Variants in DOCK10 observed in about 807,000 individuals in gnomAD.
DOCK10 encodes the protein dedicator of cytokinesis 10.
DOCK10 carries 145 observed loss-of-function variants against 280.1 expected under a neutral mutation model. That is an observed-to-expected ratio of 0.52 (90% confidence interval 0.45 to 0.59). The LOEUF (loss-of-function observed/expected upper bound fraction) is 0.59. Ranked by LOEUF, DOCK10 falls within the 20% of genes least tolerant of loss-of-function variation. DOCK10 has a pLI of 0.00. For synonymous variants in DOCK10, 915 were observed against 942.2 expected (o/e 0.97, Z 0.53); for missense variants, 2,368 against 2,651.7 (o/e 0.89, Z 2.35).
chr2:224,858,312 C>A (rs1250802016), intron 14 of DOCK10, among the ~76,000 whole-genome samples: 1 of 152,114 alleles, frequency 6.6e-6, no homozygotes, highest in Non-Finnish European at 1.5e-5. Context: ...GAGTACAGCA[C>A]CATGGGAGAA....
chr2:225,040,928 T>C (rs1307186485), intron 1 of DOCK10, among the ~76,000 whole-genome samples: 1 of 152,186 alleles, frequency 6.6e-6, no homozygotes, highest in African/African-American at 2.4e-5. Flanking sequence ...CCACATGCTG[T>C]CCCTGGCACA....
In DOCK10 at chr2:224,930,728, C is replaced by T. The variant is rs1450477721; in HGVS notation, c.243+821G>A. Among the ~76,000 whole-genome samples the T allele has an allele frequency of 2.6e-5, 4 of 152,182 alleles. No individual in the cohort carries two copies. The East Asian group carries it at 7.7e-4, about 29-fold the overall frequency. ...ACAATGGCTGTTTCACAGGGATACC[C>T]TTCAGCTGCCTTTTTATTTGCCTTA... On this transcript the variant is annotated intron_variant, in intron 2 of 55. Transcript: ENST00000258390.
intron 1 of DOCK10, among the ~76,000 whole-genome samples, chr2:225,023,997 C>T (rs1689852396): frequency 6.6e-6 from 1 of 152,220 alleles, no homozygotes; most frequent in South Asian, 2.1e-4. Context: ...CATGTCCCTC[C>T]TGATCCGATG....
At chr2:224,791,165 A>G (rs1474671076) in intron 47 of DOCK10, among the ~76,000 whole-genome samples, 1 of 152,150 alleles carries the variant, frequency 6.6e-6, no homozygotes, top group Non-Finnish European at 1.5e-5. Context: ...ACCTGCCTTT[A>G]CTGGTTTTCT....
At chr2:224,879,222 TC>T (rs1320039468) in intron 7 of DOCK10, among the ~76,000 whole-genome samples, 3 of 152,140 alleles carry the variant, frequency 2.0e-5, no homozygotes, top group Non-Finnish European at 4.4e-5. Context: ...CTAGGCAGCT[TC>T]CTTCCGAAGG....
rs529766738 is a variant in DOCK10, at chr2:224,836,987, A to G, written c.2850+775T>C. On this transcript the variant is annotated intron_variant, in intron 25 of 55. Coordinates refer to ENST00000258390, the MANE Select transcript of DOCK10 (RefSeq NM_014689.3). ...TTAAGAGAATACAGTTTTTTGATGAAAAAGCTATGTCTCAAAAAGATTTAA... is the reference window on the plus strand; with the variant it reads ...TTAAGAGAATACAGTTTTTTGATGAGAAAGCTATGTCTCAAAAAGATTTAA... Among the ~76,000 whole-genome samples the G allele has an allele frequency of 2.8e-4, 43 of 152,220 alleles. 1 individual carries two copies. The South Asian group carries it at 8.7e-3, about 31-fold the overall frequency.
intron 1 of DOCK10, among the ~76,000 whole-genome samples, chr2:224,985,885 A>G (rs544417206): frequency 2.6e-5 from 4 of 152,244 alleles, no homozygotes; most frequent in Non-Finnish European, 5.9e-5. Context: ...CCTTTTTACA[A>G]TGGGCAAGGA....
chr2:224,792,880 TAAG>T lies in DOCK10; in HGVS notation c.5311+91_5311+93del, dbSNP rs1692296202. The T allele has an allele frequency of 8.2e-6, 8 of 977,282 alleles. No homozygotes were observed. The Admixed American group carries it at 1.8e-4, about 22-fold the overall frequency. 60.5% of individuals were successfully genotyped at this position (977,282 alleles called of 1,614,324 possible). A position where few individuals can be genotyped will look rare whatever the true frequency, so the allele number is the denominator to read the frequency against. On this transcript the variant is annotated intron_variant, in intron 47 of 55. Transcript: ENST00000258390. ...GTAGATCTGAGACAGTTTTTGCTTC[TAAG>T]AATATATTTAAGAAGGTTTCACTGA...
intron 24 of DOCK10, among the ~76,000 whole-genome samples, chr2:224,838,628 T>G (rs1418428416): frequency 6.6e-6 from 1 of 152,200 alleles, no homozygotes; most frequent in Non-Finnish European, 1.5e-5. Context: ...CTTTAAAAAC[T>G]AGGCTACAAA....
At chr2:224,793,774 T>C (rs1472505981) in intron 45 of DOCK10, among the ~76,000 whole-genome samples, 6 of 152,248 alleles carry the variant, frequency 3.9e-5, no homozygotes, top group Non-Finnish European at 8.8e-5. Flanking sequence ...AAGTCTCCTT[T>C]TAAAATTAAA....
At position 224,805,200 on chromosome 2, in the gene DOCK10, C is replaced by T; in HGVS notation, c.4051+6G>A. The T allele has an allele frequency of 6.2e-7, 1 of 1,607,436 alleles. No individual in the cohort carries two copies. The highest frequency in any genetic ancestry group is 8.5e-7 in the Non-Finnish European group (1 of 1,177,658). ...TTTTTCAAAAAAATTAAAGAATTCT[C>T]TTTACCGTACGAAATCGTTTTCATA... On this transcript the variant is annotated splice_donor_region_variant and intron_variant, in intron 36 of 55. Transcript: ENST00000258390. The surrounding 1 kb of genome is among the most constrained non-coding windows in gnomAD (Gnocchi z 4.3).
At chr2:224,889,869 G>A (rs984809674) in intron 4 of DOCK10, among the ~76,000 whole-genome samples, 1 of 152,216 alleles carries the variant, frequency 6.6e-6, no homozygotes, top group African/African-American at 2.4e-5. Flanking sequence ...ACTCCTGTGA[G>A]AGGTGACATG....
intron 1 of DOCK10, among the ~76,000 whole-genome samples, chr2:224,984,448 G>A (rs1041290944): frequency 6.6e-5 from 10 of 152,130 alleles, no homozygotes; most frequent in Admixed American, 1.3e-4. Context: ...CGCCTTTATC[G>A]ATCCCCTCTG....
chr2:224,797,708 C>T, intron 42 of DOCK10, 124 bp downstream of exon 42: 1 of 1,181,292 alleles, frequency 8.5e-7, no homozygotes, highest in East Asian at 2.4e-5. Context: ...CTAATAAAAC[C>T]CAAATTGAAG....
At chr2:224,930,650 T>A (rs1352436244) in intron 2 of DOCK10, among the ~76,000 whole-genome samples, 1 of 152,048 alleles carries the variant, frequency 6.6e-6, no homozygotes, top group Non-Finnish European at 1.5e-5. Context: ...TTGAGGCTGC[T>A]TGAGGAATGT....
chr2:224,922,711 C>T (rs1340951975), intron 2 of DOCK10, among the ~76,000 whole-genome samples: 1 of 152,146 alleles, frequency 6.6e-6, no homozygotes, highest in Non-Finnish European at 1.5e-5. Context: ...CTTCCAAGCA[C>T]ATCAGGACTA....
Position 224,775,040 on chromosome 2 carries a change from C to T in DOCK10, c.5878G>A (p.Glu1960Lys), listed in dbSNP as rs754737135. Residue 1960 changes from glutamate (E) to lysine (K), a missense_variant, in exon 52 of 56, where the codon GAA (glutamate) becomes AAA (lysine). Coordinates refer to ENST00000258390, the MANE Select transcript of DOCK10 (RefSeq NM_014689.3). Reference sequence around the variant, plus strand: ...AAATCTGTCTTCCGGTCTTCGATTTCCTTTTCCTCAAAGAACGGCGTCACA... The same window carrying T: ...AAATCTGTCTTCCGGTCTTCGATTTTCTTTTCCTCAAAGAACGGCGTCACA... Reference protein sequence around the residue: ...TYVTPFFEEKEIEDRKTDFEM... With the variant: ...TYVTPFFEEKKIEDRKTDFEM... 1 of 1,614,016 alleles carries T rather than the reference C, an allele frequency of 6.2e-7. No individual in the cohort carries two copies. Among genetic ancestry groups the T allele is most frequent in the South Asian group, 1.1e-5 (1 of 91,076 alleles).
chr2:224,976,273 CACTT>C (rs1705434525), intron 1 of DOCK10, among the ~76,000 whole-genome samples: 1 of 152,130 alleles, frequency 6.6e-6, no homozygotes, highest in Admixed American at 6.5e-5. Flanking sequence ...TTAGGAAAAA[CACTT>C]AATGCATGCA....
chr2:224,804,132 T>C lies in DOCK10; in HGVS notation c.4248A>G (p.Thr1416=). 6.2e-7 allele frequency: 1 copy of C among 1,610,632 alleles called. No individual in the cohort carries two copies. The highest frequency in any genetic ancestry group is 8.5e-7 in the Non-Finnish European group (1 of 1,177,402). ...ATTACCATTGTGACAAGAGACCTGATGTCTGGCAGGAAGGATTGGATCCTT... is the reference window on the plus strand; with the variant it reads ...ATTACCATTGTGACAAGAGACCTGACGTCTGGCAGGAAGGATTGGATCCTT... ...TLKGSNPSCQ[T]SGLLSQWMHS... Residue 1416 remains threonine (T), a synonymous_variant, in exon 39 of 56, where the codon ACA becomes ACG. Transcript: ENST00000258390.
Sources: allele counts gnomAD v4.1 joint callset (sites outside exome capture counted in the v4.1 genomes callset), GRCh38; gene constraint gnomAD v4.1.1; non-coding constraint Gnocchi (gnomAD v3.1); transcripts MANE v1.5; gene names NCBI Gene and HGNC (gene_info 2026-07-23, HGNC 2026-07-21).